The following DIAPH3 variants were observed in gnomAD, a reference collection of about 807,000 sequenced individuals.
DIAPH3 encodes the protein diaphanous related formin 3.
In DIAPH3, 117 loss-of-function variants were observed where a neutral mutation model predicts 144.3. The ratio of observed to expected loss-of-function variants is 0.81; its 90% CI spans 0.70 to 0.95. The LOEUF (loss-of-function observed/expected upper bound fraction) is 0.95, where lower values mean the gene tolerates loss of function less well. Among genes scored for constraint, DIAPH3 ranks in the 40% least tolerant of loss-of-function variants. The probability of loss-of-function intolerance (pLI) is 0.00; values close to 1 mark genes in which losing one functional copy is unlikely to be tolerated. For synonymous variants in DIAPH3, 519 were observed against 488.9 expected, an observed-to-expected ratio of 1.06 and a Z score of -0.81; for missense variants, 1,421 against 1,412.7, an observed-to-expected ratio of 1.01 and a Z score of -0.09.
At chr13:59,844,152 A>G (rs988873074) in intron 22 of DIAPH3, among the ~76,000 whole-genome samples, 5 of 151,766 alleles carry the variant, frequency 3.3e-5, no homozygotes, top group Non-Finnish European at 7.4e-5. Flanking sequence ...TTTTTCAGCA[A>G]TTATTCTATT....
At chr13:59,753,543 C>T (rs1209864100) in intron 27 of DIAPH3, among the ~76,000 whole-genome samples, 2 of 152,184 alleles carry the variant, frequency 1.3e-5, no homozygotes, top group African/African-American at 4.8e-5. Flanking sequence ...CCTCTCGTGA[C>T]ACTGCCTAAT....
At chr13:60,137,603 T>C (rs376161661) in intron 1 of DIAPH3, among the ~76,000 whole-genome samples, 2 of 152,104 alleles carry the variant, frequency 1.3e-5, no homozygotes, top group Non-Finnish European at 2.9e-5. Flanking sequence ...GATCTGTCCA[T>C]TGATATCATT....
intron 25 of DIAPH3, among the ~76,000 whole-genome samples, chr13:59,806,862 T>C (rs1454936806): frequency 6.6e-6 from 1 of 151,808 alleles, no homozygotes; most frequent in African/African-American, 2.4e-5. Flanking sequence ...TTGTCAAATA[T>C]CATATGCATA....
Position 59,895,443 on chromosome 13 carries a change from A to C in DIAPH3, c.2368-15975T>G, listed in dbSNP as rs1213349110. On this transcript the variant is annotated intron_variant, in intron 20 of 27. Coordinates refer to ENST00000400324, the MANE Select transcript of DIAPH3 (RefSeq NM_001042517.2). ...CCAATGTTAAAGGAAAAAAAAAAAA[A>C]CAAAAAAAAAACACATTTATCTTGT... Among the ~76,000 whole-genome samples the C allele has an allele frequency of 1.4e-4, 21 of 145,162 alleles. No individual in the cohort carries two copies. In the East Asian group the frequency reaches 2.0e-3, roughly 14 times the overall value.
chr13:59,831,698 G>A (rs958178203), intron 24 of DIAPH3, among the ~76,000 whole-genome samples: 63 of 151,792 alleles, frequency 4.2e-4, no homozygotes, highest in Non-Finnish European at 4.3e-4. Context: ...GTTGGCCCAA[G>A]GCCCCAGGTA....
chr13:60,045,223 C>G (rs1227993641), intron 4 of DIAPH3, among the ~76,000 whole-genome samples: 2 of 151,892 alleles, frequency 1.3e-5, no homozygotes, highest in Non-Finnish European at 2.9e-5. Flanking sequence ...GCCTATAATC[C>G]CAGCTATTCA....
At chr13:59,746,021 T>C (rs2036685641) in intron 27 of DIAPH3, among the ~76,000 whole-genome samples, 1 of 152,208 alleles carries the variant, frequency 6.6e-6, no homozygotes, top group Non-Finnish European at 1.5e-5. Context: ...AATGTTTACA[T>C]CTTAAAAACA....
At chr13:59,941,290 T>C (rs1376396342) in intron 17 of DIAPH3, among the ~76,000 whole-genome samples, 1 of 152,010 alleles carries the variant, frequency 6.6e-6, no homozygotes, top group Non-Finnish European at 1.5e-5. Flanking sequence ...GGACAGAGTG[T>C]CAGACATAGG....
Position 59,689,575 on chromosome 13 carries a change from A to G in DIAPH3, c.3320-22729T>C, listed in dbSNP as rs2033397666. Among the ~76,000 whole-genome samples, 4 of 152,080 alleles carry G rather than the reference A, an allele frequency of 2.6e-5. No individual in the cohort carries two copies. The South Asian group carries it at 6.2e-4, about 24-fold the overall frequency. On this transcript the variant is annotated intron_variant, in intron 27 of 27. Transcript: ENST00000400324. The stretch of plus-strand genomic sequence containing the variant: ...GAAGGAAAACTTTCTTCTTCATGGA[A>G]GAAAGCAAAATTCTGAGTAAGAAAC...
At chr13:59,709,619 A>T (rs2034623699) in intron 27 of DIAPH3, among the ~76,000 whole-genome samples, 1 of 152,208 alleles carries the variant, frequency 6.6e-6, no homozygotes. Context: ...GGATGTGGAG[A>T]AATAGGAACA....
chr13:59,679,425 T>A (rs1400149046), intron 27 of DIAPH3, among the ~76,000 whole-genome samples: 5 of 152,162 alleles, frequency 3.3e-5, no homozygotes. Flanking sequence ...CAGCAGGGAC[T>A]GTTTCCTCAA....
Position 60,098,130 on chromosome 13 carries a change from C to T in DIAPH3, c.391-4398G>A, listed in dbSNP as rs548866042. On this transcript the variant is annotated intron_variant, in intron 3 of 27. Coordinates refer to ENST00000400324, the MANE Select transcript of DIAPH3 (RefSeq NM_001042517.2). ...TTTTTATGTTTCTTAGTTTATATTT[C>T]CTCAAAATTATCATGTTGTATCTCC... Among the ~76,000 whole-genome samples the T allele has an allele frequency of 2.0e-5, 3 of 152,184 alleles. No homozygotes were observed. In the South Asian group the frequency reaches 6.2e-4, roughly 32 times the overall value.
intron 20 of DIAPH3, among the ~76,000 whole-genome samples, chr13:59,888,257 A>G (rs1209288596): frequency 6.6e-6 from 1 of 152,032 alleles, no homozygotes; most frequent in African/African-American, 2.4e-5. Context: ...TTGTCCCTCC[A>G]CCATCTCAGA....
intron 20 of DIAPH3, among the ~76,000 whole-genome samples, chr13:59,884,276 A>G (rs893767784): frequency 2.0e-5 from 3 of 152,166 alleles, no homozygotes; most frequent in Non-Finnish European, 4.4e-5. Context: ...AGTTGCAGGA[A>G]AACAAGCTCA....
chr13:59,810,968 C>G (rs780783171), intron 24 of DIAPH3, 45 bp from the exon 25 acceptor site: 1 of 1,542,082 alleles, frequency 6.5e-7, no homozygotes, highest in African/African-American at 1.4e-5. Context: ...AGTGATTCAT[C>G]CCGCAAAATG....
rs986338638 is a variant in DIAPH3 at position 59,861,528 on chromosome 13, G to A, written c.2616C>T (p.Asp872=). Residue 872 remains aspartate (D), a synonymous_variant, in exon 22 of 28, where the codon GAC becomes GAT. Coordinates refer to ENST00000400324, the MANE Select transcript of DIAPH3 (RefSeq NM_001042517.2). The part of the protein sequence containing the change: ...FNLSSLCKLK[D]TKSADQKTTL... ...TTGTTTTCTGATCTGCTGATTTTGTGTCCTTTAGCTAAATAGAACAGGAGG... is the reference window on the plus strand; with the variant it reads ...TTGTTTTCTGATCTGCTGATTTTGTATCCTTTAGCTAAATAGAACAGGAGG... 6.2e-7 allele frequency: 1 copy of A among 1,613,470 alleles called. No homozygotes were observed. The highest frequency in any genetic ancestry group is 1.3e-5 in the African/African-American group (1 of 74,858).
rs140336174 is a variant in DIAPH3 at position 59,678,528 on chromosome 13, T to G, written c.3320-11682A>C. Among the ~76,000 whole-genome samples, 937 of 152,300 alleles carry G rather than the reference T, an allele frequency of 6.2e-3. 9 individuals are homozygous for G. The highest frequency in any genetic ancestry group is 0.01 in the Non-Finnish European group (712 of 68,022). On this transcript the variant is annotated intron_variant, in intron 27 of 27. Transcript: ENST00000400324. ...CCTAGGAAGAAATATTGATGTTCTCTGAATTTCCCTGAATTCTTCCCTTGC... is the reference window on the plus strand; with the variant it reads ...CCTAGGAAGAAATATTGATGTTCTCGGAATTTCCCTGAATTCTTCCCTTGC...
intron 21 of DIAPH3, among the ~76,000 whole-genome samples, chr13:59,868,619 C>T (rs2044069994): frequency 6.6e-6 from 1 of 152,088 alleles, no homozygotes; most frequent in African/African-American, 2.4e-5. Flanking sequence ...TTCTGCAGTT[C>T]TATGTGTCTT....
At chr13:60,089,742 G>A (rs1020288463) in intron 4 of DIAPH3, among the ~76,000 whole-genome samples, 26 of 152,264 alleles carry the variant, frequency 1.7e-4, no homozygotes, top group African/African-American at 6.3e-4. Flanking sequence ...CATCTGAGTT[G>A]AGTCATTTAC....
Sources: allele counts gnomAD v4.1 joint callset (sites outside exome capture counted in the v4.1 genomes callset), GRCh38; gene constraint gnomAD v4.1.1; transcripts MANE v1.5; gene names NCBI Gene and HGNC (gene_info 2026-07-23, HGNC 2026-07-21).